The following PTH2R variants were observed in gnomAD, a reference collection of about 807,000 sequenced individuals.
PTH2R encodes PTH2 receptor.
PTH2R carries 59 observed loss-of-function variants against 60.3 expected under a neutral mutation model. The observed-to-expected ratio is 0.98, with a 90% CI of 0.79 to 1.22. The LOEUF (loss-of-function observed/expected upper bound fraction) is 1.22, where lower values mean the gene tolerates loss of function less well. Among genes scored for constraint, PTH2R ranks in the 50% most tolerant of loss-of-function variants. The pLI, the probability that PTH2R is intolerant of heterozygous loss-of-function variation, is 0.00. For missense variants in PTH2R, 749 were observed against 682.6 expected (o/e 1.10, Z -1.08); for synonymous variants, 256 against 243.8 (o/e 1.05, Z -0.47).
chr2:208,392,548 A>G (rs1052938164), intron 1 of PTH2R, among the ~76,000 whole-genome samples: 5 of 152,202 alleles, frequency 3.3e-5, no homozygotes, highest in African/African-American at 1.2e-4. Context: ...CTATAAGGAT[A>G]CTGGCTCCCA....
chr2:208,435,352 TGTC>T (rs879314609), intron 2 of PTH2R, among the ~76,000 whole-genome samples: 34 of 152,334 alleles, frequency 2.2e-4, no homozygotes, highest in Non-Finnish European at 4.6e-4. Flanking sequence ...GTGTATGCTG[TGTC>T]ACATGGCAGA....
chr2:208,461,167 C>T (rs1200025693), intron 9 of PTH2R, among the ~76,000 whole-genome samples: 2 of 152,058 alleles, frequency 1.3e-5, no homozygotes, highest in Non-Finnish European at 2.9e-5. Flanking sequence ...ACAAATTGGT[C>T]CCAATTCCAT....
At chr2:208,444,062 T>G (rs894455301) in intron 6 of PTH2R, among the ~76,000 whole-genome samples, 1 of 152,230 alleles carries the variant, frequency 6.6e-6, no homozygotes, top group Admixed American at 6.5e-5. Context: ...AGTAGATTGA[T>G]TGTCTTGATG....
At chr2:208,384,755 C>G (rs1377504026) in intron 1 of PTH2R, among the ~76,000 whole-genome samples, 1 of 152,204 alleles carries the variant, frequency 6.6e-6, no homozygotes, top group Non-Finnish European at 1.5e-5. Flanking sequence ...ATTTCCACTT[C>G]CAGACTTTGC....
rs58836876 is a variant in PTH2R, at chr2:208,408,766, A to AGAGAGAGAGAGAGAGAG, written c.75+1648_75+1649insGAGAGAGAGAGAGAGAG. On this transcript the variant is annotated intron_variant, in intron 1 of 12. Coordinates refer to ENST00000272847, the MANE Select transcript of PTH2R (RefSeq NM_005048.4). ...AGAGAGAGAGAGAGAGAGAGAGAGAAATAAATAATAAATAAATCACCATGG... is the reference window on the plus strand; with the variant it reads ...AGAGAGAGAGAGAGAGAGAGAGAGAAGAGAGAGAGAGAGAGAGATAAATAATAAATAAATCACCATGG... Among the ~76,000 whole-genome samples the AGAGAGAGAGAGAGAGAG allele has an allele frequency of 2.0e-3, 224 of 109,498 alleles. 3 individuals carry two copies. The highest frequency in any genetic ancestry group is 9.7e-3 in the African/African-American group (205 of 21,118). The allele number at this position is 109,498 out of a possible 152,430, so 71.8% of individuals were successfully genotyped here. A position where few individuals can be genotyped will look rare whatever the true frequency, so the allele number is the denominator to read the frequency against.
intron 10 of PTH2R, among the ~76,000 whole-genome samples, chr2:208,485,762 C>T (rs1703259984): frequency 1.3e-5 from 2 of 152,138 alleles, no homozygotes; most frequent in South Asian, 4.1e-4. Flanking sequence ...CCCCCAATAC[C>T]CTTCGCCTTG....
intron 1 of PTH2R, among the ~76,000 whole-genome samples, chr2:208,409,226 T>C (rs760904298): frequency 6.6e-6 from 1 of 152,236 alleles, no homozygotes; most frequent in Non-Finnish European, 1.5e-5. Context: ...GTGATTTACA[T>C]TGACAAACTG....
At chr2:208,373,532 T>TGCTCTTA (rs1391476723) in intron 1 of PTH2R, among the ~76,000 whole-genome samples, 1 of 152,126 alleles carries the variant, frequency 6.6e-6, no homozygotes, top group Non-Finnish European at 1.5e-5. Flanking sequence ...GGACACTGTC[T>TGCTCTTA]GCTCTTATAT....
At chr2:208,367,258 T>G (rs947503434) in intron 1 of PTH2R, among the ~76,000 whole-genome samples, 3 of 152,078 alleles carry the variant, frequency 2.0e-5, no homozygotes, top group African/African-American at 7.2e-5. Context: ...CATGCCCAGC[T>G]AATTTTTCTA....
chr2:208,455,152 C>G (rs1433451002), intron 8 of PTH2R, among the ~76,000 whole-genome samples: 4 of 152,176 alleles, frequency 2.6e-5, no homozygotes, highest in Non-Finnish European at 4.4e-5. Context: ...TTGCTATATA[C>G]ACACAGTGAG....
At chr2:208,402,550 T>A (rs1701328904), upstream of PTH2R, among the ~76,000 whole-genome samples, 1 of 152,210 alleles carries the variant, frequency 6.6e-6, no homozygotes. Context: ...TTATTTTAAG[T>A]GATAAAGAAA....
intron 1 of PTH2R, among the ~76,000 whole-genome samples, chr2:208,374,023 T>G (rs1034532450): frequency 6.6e-6 from 1 of 152,028 alleles, no homozygotes; most frequent in African/African-American, 2.4e-5. Context: ...TTTGTAAAAA[T>G]AAGTGACTAT....
intron 1 of PTH2R, among the ~76,000 whole-genome samples, chr2:208,366,438 G>A (rs1700594830): frequency 6.6e-6 from 1 of 152,000 alleles, no homozygotes; most frequent in South Asian, 2.1e-4. Flanking sequence ...TTTATAATGG[G>A]GTGTCCTTAT....
intron 1 of PTH2R, among the ~76,000 whole-genome samples, chr2:208,414,784 G>C (rs1447906259): frequency 6.6e-6 from 1 of 152,012 alleles, no homozygotes; most frequent in African/African-American, 2.4e-5. Context: ...GAAGGATCGA[G>C]GTTAACATTA....
At chr2:208,377,822 G>A (rs1320950659) in intron 1 of PTH2R, among the ~76,000 whole-genome samples, 8 of 151,090 alleles carry the variant, frequency 5.3e-5, no homozygotes, top group South Asian at 2.1e-4. Flanking sequence ...ATGGGCGGCC[G>A]GGCAGAGACG....
intron 1 of PTH2R, among the ~76,000 whole-genome samples, chr2:208,362,199 A>G (rs1275923226): frequency 6.6e-6 from 1 of 152,178 alleles, no homozygotes; most frequent in Non-Finnish European, 1.5e-5. Flanking sequence ...GTTTCACTGT[A>G]TGTTTCCCTG....
At chr2:208,426,789 G>C (rs1701866348) in intron 1 of PTH2R, among the ~76,000 whole-genome samples, 1 of 152,168 alleles carries the variant, frequency 6.6e-6, no homozygotes, top group Non-Finnish European at 1.5e-5. Flanking sequence ...CCAGCAATGT[G>C]GAACTGTGAG....
chr2:208,414,268 C>T (rs1701595840), intron 1 of PTH2R, among the ~76,000 whole-genome samples: 1 of 152,138 alleles, frequency 6.6e-6, no homozygotes, highest in Non-Finnish European at 1.5e-5. Flanking sequence ...TCCAAGATGA[C>T]AGTGCTCCTG....
chr2:208,479,993 T>C (rs1409947180), intron 9 of PTH2R, among the ~76,000 whole-genome samples: 1 of 152,192 alleles, frequency 6.6e-6, no homozygotes, highest in Admixed American at 6.5e-5. Flanking sequence ...CCCCCATGTG[T>C]GGGGCTCAAG....
Sources: gnomAD v4.1 joint callset for allele counts (sites outside exome capture counted in the v4.1 genomes callset) on GRCh38, gnomAD v4.1.1 for gene constraint, MANE v1.5 for transcripts, NCBI Gene and HGNC (gene_info 2026-07-23, HGNC 2026-07-21) for gene names.